Variants in ZSWIM1 observed in about 807,000 individuals in gnomAD.
The protein encoded by ZSWIM1 is zinc finger SWIM domain-containing protein 1.
Under a neutral mutation model 29.3 loss-of-function variants are expected in ZSWIM1, and 22 were observed. The ratio of observed to expected loss-of-function variants is 0.75; its 90% CI spans 0.54 to 1.07. The LOEUF is 1.07. Among genes scored for constraint, ZSWIM1 ranks in the 50% least tolerant of loss-of-function variants. The probability of loss-of-function intolerance (pLI) is 0.00; values close to 1 mark genes in which losing one functional copy is unlikely to be tolerated. For missense variants in ZSWIM1, 511 were observed against 596.2 expected, an observed-to-expected ratio of 0.86 and a Z score of 1.49; for synonymous variants, 228 against 240.8, an observed-to-expected ratio of 0.95 and a Z score of 0.49.
Position 45,883,968 on chromosome 20 carries a change from A to C in ZSWIM1, c.1376A>C (p.Lys459Thr). 6.2e-7 allele frequency: 1 copy of C among 1,614,182 alleles called. No homozygotes were observed. Among genetic ancestry groups the C allele is most frequent in the Non-Finnish European group, 8.5e-7 (1 of 1,180,030 alleles). ...GGTCAGCTGTTGCAGCACTGCACCA[A>C]GGAGGAGTTTGAGCGGAGGTATAGC... ...EVGQLLQHCT[K>T]EEFERRYSTL... Residue 459 changes from lysine (K) to threonine (T), a missense_variant, in exon 2 of 2, where the codon AAG becomes ACG. Physicochemically the swap from Lys to Thr is moderately conservative, Grantham distance 78 (BLOSUM62 -1). Coordinates refer to ENST00000372523, the MANE Select transcript of ZSWIM1 (RefSeq NM_080603.5).
chr20:45,881,463 C>G (rs1288771999), intron 1 of ZSWIM1, among the ~76,000 whole-genome samples: 1 of 152,200 alleles, frequency 6.6e-6, no homozygotes, highest in Non-Finnish European at 1.5e-5. Flanking sequence ...TTTTGGACCC[C>G]AGGTACTGTG....
Position 45,884,085 on chromosome 20 carries a change from T to G in ZSWIM1, c.*35T>G, listed in dbSNP as rs1432828049. ...ATGCCCAGAGATGCTCATGCACCTG[T>G]GCACACTCACATCCACCCATACACA... On this transcript the variant is annotated 3_prime_UTR_variant, in exon 2 of 2. Coordinates refer to ENST00000372523, the MANE Select transcript of ZSWIM1 (RefSeq NM_080603.5). 1.3e-6 allele frequency: 2 copies of G among 1,573,668 alleles called. No individual in the cohort carries two copies. Among genetic ancestry groups the G allele is most frequent in the South Asian group, 2.4e-5 (2 of 84,258 alleles).
Position 45,884,087 on chromosome 20 carries a change from C to T in ZSWIM1, c.*37C>T. The stretch of plus-strand genomic sequence containing the variant: ...GCCCAGAGATGCTCATGCACCTGTG[C>T]ACACTCACATCCACCCATACACACA... On this transcript the variant is annotated 3_prime_UTR_variant, in exon 2 of 2. Coordinates refer to ENST00000372523, the MANE Select transcript of ZSWIM1 (RefSeq NM_080603.5). The T allele has an allele frequency of 6.4e-7, 1 of 1,571,630 alleles. No individual in the cohort carries two copies. The highest frequency in any genetic ancestry group is 1.2e-5 in the South Asian group (1 of 83,768).
Position 45,883,411 on chromosome 20 carries a change from A to G in ZSWIM1, c.819A>G (p.Pro273=). 1 of 1,614,216 alleles carries G rather than the reference A, an allele frequency of 6.2e-7. No individual in the cohort carries two copies. Among genetic ancestry groups the G allele is most frequent in the Non-Finnish European group, 8.5e-7 (1 of 1,180,036 alleles). ...TCAGCCAGTTCTTTGGTACCACCCC[A>G]TCTGAGAAACAAGGTATGGCTTCTC... ...HILSQFFGTT[P]SEKQGMASLF... The change falls in exon 2 of 2, where the codon CCA becomes CCG. Residue 273 remains proline, a synonymous_variant. Coordinates refer to ENST00000372523, the MANE Select transcript of ZSWIM1 (RefSeq NM_080603.5).
intron 1 of ZSWIM1, among the ~76,000 whole-genome samples, 191 bp from the exon 2 acceptor site, chr20:45,882,341 AT>A (rs1986290271): frequency 6.6e-6 from 1 of 152,140 alleles, no homozygotes; most frequent in Non-Finnish European, 1.5e-5. Flanking sequence ...ACTCTCTGAC[AT>A]GTTACTCAGG....
Position 45,884,155 on chromosome 20 carries a change from G to T in ZSWIM1, c.*105G>T, listed in dbSNP as rs1381630124. 2.2e-5 allele frequency: 7 copies of T among 311,958 alleles called. No individual in the cohort carries two copies. In the East Asian group the frequency reaches 5.2e-4, roughly 23 times the overall value. The allele number at this position is 311,958 out of a possible 1,614,324, so 19.3% of individuals were successfully genotyped here. ...ACACACACACACACTCCCTTACACT[G>T]TTGTACTTCCGTGGGCCCTCCTTCC... On this transcript the variant is annotated 3_prime_UTR_variant, in exon 2 of 2. Coordinates refer to ENST00000372523, the MANE Select transcript of ZSWIM1 (RefSeq NM_080603.5).
chr20:45,884,444 G>A lies in ZSWIM1; in HGVS notation c.*394G>A, dbSNP rs1312651736. 1.4e-5 allele frequency: 2 copies of A among 142,910 alleles called. No individual in the cohort carries two copies. The highest frequency in any genetic ancestry group is 2.9e-5 in the Non-Finnish European group (2 of 68,016). The allele number at this position is 142,910 out of a possible 1,614,324, so 8.9% of individuals were successfully genotyped here. ...GTGGCGCAATCTCTGCTCACTGCAA[G>A]CTCCACCTCCTGGGTTCACACCATT... On this transcript the variant is annotated 3_prime_UTR_variant, in exon 2 of 2. Transcript: ENST00000372523.
chr20:45,883,633 T>C lies in ZSWIM1; in HGVS notation c.1041T>C (p.Ala347=). The C allele has an allele frequency of 6.2e-7, 1 of 1,614,194 alleles. No homozygotes were observed. Among genetic ancestry groups the C allele is most frequent in the Non-Finnish European group, 8.5e-7 (1 of 1,180,032 alleles). ...CCCAACTGTGCCTGGGCGAGCTTGC[T>C]GTGGTCCAGAAATCCACACACCTCA... is the stretch of plus-strand genomic sequence containing the variant. ...PAAQLCLGEL[A]VVQKSTHLIG... is the part of the protein sequence containing the mutation. Residue 347 remains alanine, a synonymous_variant, in exon 2 of 2, where the codon GCT becomes GCC. Coordinates refer to ENST00000372523, the MANE Select transcript of ZSWIM1 (RefSeq NM_080603.5).
In ZSWIM1 at chr20:45,883,848, C is replaced by T. The variant is rs781348526; in HGVS notation, c.1256C>T (p.Ala419Val). 2 of 1,613,644 alleles carry T rather than the reference C, an allele frequency of 1.2e-6. No homozygotes were observed. Among genetic ancestry groups the T allele is most frequent in the East Asian group, 2.2e-5 (1 of 44,888 alleles). Reference sequence around the variant, plus strand: ...GACATGCTGCCGGCTCAGTGGACGGCAGGCTGTGCTACCAGTCTAGACAGC... The same window carrying T: ...GACATGCTGCCGGCTCAGTGGACGGTAGGCTGTGCTACCAGTCTAGACAGC... ...QPDMLPAQWT[A>V]GCATSLDSIL... The change falls in exon 2 of 2, where the codon GCA (alanine) becomes GTA (valine). Residue 419 changes from alanine (A) to valine (V), a missense_variant. By Grantham distance (64) the Ala-to-Val change is moderately conservative. Transcript: ENST00000372523.
Position 45,882,940 on chromosome 20 carries a change from C to A in ZSWIM1, c.348C>A (p.Ile116=), listed in dbSNP as rs1240149537. 6 of 1,614,026 alleles carry A rather than the reference C, an allele frequency of 3.7e-6. No individual in the cohort carries two copies. In the African/African-American group the frequency reaches 8.0e-5, roughly 22 times the overall value. The change falls in exon 2 of 2, where the codon ATC becomes ATA. Residue 116 remains isoleucine (I), a synonymous_variant. Coordinates refer to ENST00000372523, the MANE Select transcript of ZSWIM1 (RefSeq NM_080603.5). ...TTGCCCGAGCAGTCTACTTTGCCATCCCTGCCAAGGAGGACACTGAAGGCC... is the reference window on the plus strand; with the variant it reads ...TTGCCCGAGCAGTCTACTTTGCCATACCTGCCAAGGAGGACACTGAAGGCC... The part of the protein sequence containing the change: ...GHLARAVYFA[I]PAKEDTEGLA...
In ZSWIM1 at chr20:45,884,105, TACACACACACACACACAC is replaced by T. The variant is rs71181872; in HGVS notation, c.*76_*93del. 71 of 1,089,750 alleles carry T rather than the reference TACACACACACACACACAC, an allele frequency of 6.5e-5. No individual in the cohort carries two copies. Among genetic ancestry groups the T allele is most frequent in the African/African-American group, 4.8e-4 (28 of 57,908 alleles). 67.5% of individuals were successfully genotyped at this position (1,089,750 alleles called of 1,614,324 possible). A position where few individuals can be genotyped will look rare whatever the true frequency, so the allele number is the denominator to read the frequency against. On this transcript the variant is annotated 3_prime_UTR_variant, in exon 2 of 2. Coordinates refer to ENST00000372523, the MANE Select transcript of ZSWIM1 (RefSeq NM_080603.5). The stretch of plus-strand genomic sequence containing the variant: ...ACCTGTGCACACTCACATCCACCCA[TACACACACACACACACAC>T]ACACACACACACACACACACTCCCT...
rs1323673927 is a variant in ZSWIM1 at position 45,882,667 on chromosome 20, TCC to T, written c.77_78del (p.Pro26HisfsTer15). On this transcript the variant is annotated frameshift_variant, in exon 2 of 2. Transcript: ENST00000372523. LOFTEE classifies it low-confidence loss of function (END_TRUNC). ...KYFDLGIWTA[P>X]ISPMALTMLN... ...ATTTTGACCTTGGCATTTGGACAGC[TCC>T]CATCTCTCCCATGGCCCTGACAATG... The T allele has an allele frequency of 6.2e-7, 1 of 1,614,180 alleles. No individual in the cohort carries two copies. The highest frequency in any genetic ancestry group is 2.2e-5 in the East Asian group (1 of 44,886).
Position 45,883,670 on chromosome 20 carries a change from T to C in ZSWIM1, c.1078T>C (p.Ser360Pro). 1.2e-6 allele frequency: 2 copies of C among 1,614,120 alleles called. No homozygotes were observed. The highest frequency in any genetic ancestry group is 4.5e-5 in the East Asian group (2 of 44,876). ...QKSTHLIGSG[S>P]EKMNIQILED... ...ATCCACACACCTCATTGGCTCTGGCTCAGAAAAGATGAACATACAGATCCT... is the reference window on the plus strand; with the variant it reads ...ATCCACACACCTCATTGGCTCTGGCCCAGAAAAGATGAACATACAGATCCT... The change falls in exon 2 of 2, where the codon TCA becomes CCA. Residue 360 changes from serine (S) to proline (P), a missense_variant. Transcript: ENST00000372523.
intron 1 of ZSWIM1, 134 bp downstream of exon 1, chr20:45,881,395 C>G (rs1471813210): frequency 6.6e-6 from 1 of 152,230 alleles, no homozygotes; most frequent in Non-Finnish European, 1.5e-5. Flanking sequence ...TGTCAGACAT[C>G]CACATCTCCC....
rs35972756 is a variant in ZSWIM1 at position 45,882,618 on chromosome 20, G to A, written c.26G>A (p.Trp9Ter). 15,769 of 1,613,938 alleles carry A rather than the reference G, an allele frequency of 9.8e-3. 116 individuals carry two copies. Among genetic ancestry groups the A allele is most frequent in the East Asian group, 0.02 (881 of 44,880 alleles). The change falls in exon 2 of 2, where the codon TGG becomes TAG. Residue 9 changes from tryptophan (W) to a stop codon, truncating the protein, a stop_gained. Transcript: ENST00000372523. LOFTEE classifies it low-confidence loss of function (END_TRUNC). MLERLKAP[W>*]SAALQRKYFD... ...ATGCTTGAGAGACTCAAAGCCCCGT[G>A]GTCAGCTGCCCTGCAAAGAAAGTAT...
rs1177040751 is a variant in ZSWIM1, at chr20:45,884,107, C to T, written c.*57C>T. On this transcript the variant is annotated 3_prime_UTR_variant, in exon 2 of 2. Transcript: ENST00000372523. ...CTGTGCACACTCACATCCACCCATA[C>T]ACACACACACACACACACACACACA... 6.3e-5 allele frequency: 10 copies of T among 158,042 alleles called. No homozygotes were observed. The highest frequency in any genetic ancestry group is 1.4e-3 in the East Asian group (1 of 724). The allele number at this position is 158,042 out of a possible 1,614,324, so 9.8% of individuals were successfully genotyped here.
upstream of ZSWIM1, chr20:45,881,126 T>G (rs768739521): frequency 5.9e-5 from 9 of 152,264 alleles, no homozygotes; most frequent in Non-Finnish European, 1.0e-4. Context: ...TCCGTGGTGC[T>G]AAAGCCTGAA....
chr20:45,883,101 C>A lies in ZSWIM1; in HGVS notation c.509C>A (p.Ala170Asp), dbSNP rs760344336. The A allele has an allele frequency of 2.5e-6, 4 of 1,614,102 alleles. No homozygotes were observed. Among genetic ancestry groups the A allele is most frequent in the Non-Finnish European group, 3.4e-6 (4 of 1,180,030 alleles). The change falls in exon 2 of 2, where the codon GCC becomes GAC. Residue 170 changes from alanine (A) to aspartate (D), a missense_variant. Physicochemically the swap from Ala to Asp is moderately radical, Grantham distance 126. Transcript: ENST00000372523. The stretch of plus-strand genomic sequence containing the variant: ...CCCACAGCTGAGGTCCTTCTCTCAG[C>A]CTTCCACATTTGTAAGTTCCTCCAG... ...EFPTAEVLLS[A>D]FHICKFLQAK...
intron 1 of ZSWIM1, among the ~76,000 whole-genome samples, chr20:45,881,557 GC>G (rs1427898645): frequency 3.3e-5 from 5 of 152,168 alleles, no homozygotes; most frequent in Non-Finnish European, 7.3e-5. Flanking sequence ...GCTTCTTTGA[GC>G]CTTAGTTTAT....
Sources: gnomAD v4.1 joint callset for allele counts (sites outside exome capture counted in the v4.1 genomes callset) on GRCh38, gnomAD v4.1.1 for gene constraint, MANE v1.5 for transcripts, NCBI Gene and HGNC (gene_info 2026-07-23, HGNC 2026-07-21) for gene names.